The following COL6A3 variants were observed in gnomAD, a reference collection of about 807,000 sequenced individuals.
The protein encoded by COL6A3 is collagen alpha-3(VI) chain.
A neutral mutation model predicts 274.1 loss-of-function variants in COL6A3; 137 were observed. That is an observed-to-expected ratio of 0.50 (90% CI 0.44 to 0.58). The LOEUF is 0.58. Among genes scored for constraint, COL6A3 ranks in the 20% least tolerant of loss-of-function variants. COL6A3 has a pLI of 0.00. For synonymous variants in COL6A3, 1,650 were observed against 1,650.6 expected (o/e 1.00, Z 0.01); for missense variants, 3,950 against 4,124.9 (o/e 0.96, Z 1.16).
intron 38 of COL6A3, among the ~76,000 whole-genome samples, chr2:237,339,384 A>G (rs992307978): frequency 3.9e-5 from 6 of 152,186 alleles, no homozygotes; most frequent in African/African-American, 1.4e-4. Context: ...CATGAGAGAG[A>G]AGACAGGGAT....
Position 237,374,881 on chromosome 2 carries a change from C to T in COL6A3, c.3210G>A (p.Val1070=), listed in dbSNP as rs781769635. Residue 1070 remains valine, a synonymous_variant, in exon 8 of 44, where the codon GTG becomes GTA. Coordinates refer to ENST00000295550, the MANE Select transcript of COL6A3 (RefSeq NM_004369.4). The surrounding 1 kb of genome is among the most constrained non-coding windows in gnomAD (Gnocchi z 4.8). ...CGGGCCTGGTCCGGTCGCTGTACTGCACCACGGCCACGCGGACCCGGTCCT... is the reference window on the plus strand; with the variant it reads ...CGGGCCTGGTCCGGTCGCTGTACTGTACCACGGCCACGCGGACCCGGTCCT... ...VGQDRVRVAV[V]QYSDRTRPEF... is the part of the protein sequence containing the mutation. The T allele has an allele frequency of 6.2e-7, 1 of 1,613,934 alleles. No individual in the cohort carries two copies. The highest frequency in any genetic ancestry group is 1.1e-5 in the South Asian group (1 of 91,072).
chr2:237,365,757 C>T lies in COL6A3; in HGVS notation c.5779G>A (p.Glu1927Lys), dbSNP rs769791007. 6.2e-6 allele frequency: 10 copies of T among 1,614,106 alleles called. No homozygotes were observed. The highest frequency in any genetic ancestry group is 5.9e-6 in the Non-Finnish European group (7 of 1,180,056). Residue 1927 changes from glutamate (E) to lysine (K), a missense_variant, in exon 12 of 44, where the codon GAG (glutamate) becomes AAG (lysine). This residue lies in a region of COL6A3 where 632 missense variants were observed against 623.4 expected (regional missense o/e 1.01). Transcript: ENST00000295550. Reference protein sequence around the residue: ...MRSQHPYVLTEDTLKVYLNKF... With the variant: ...MRSQHPYVLTKDTLKVYLNKF... The stretch of plus-strand genomic sequence containing the variant: ...TTCAGGTAGACCTTCAGGGTGTCCT[C>T]CGTGAGGACGTAGGGGTGCTGGCTG...
intron 42 of COL6A3, 163 bp downstream of exon 42, chr2:237,333,287 A>T: frequency 1.4e-6 from 1 of 700,066 alleles, no homozygotes; most frequent in Admixed American, 2.1e-5. Context: ...TACACCTGGG[A>T]TTATGCAGAA....
chr2:237,377,433 A>G, intron 6 of COL6A3, 89 bp from the exon 7 acceptor site: 1 of 1,323,290 alleles, frequency 7.6e-7, no homozygotes, highest in South Asian at 1.2e-5. Context: ...TGACAACAGG[A>G]GTTGGTGAAA....
At chr2:237,375,418 C>A (rs149719974) in intron 7 of COL6A3, among the ~76,000 whole-genome samples, 5 of 152,226 alleles carry the variant, frequency 3.3e-5, no homozygotes, top group Non-Finnish European at 5.9e-5. Flanking sequence ...TCCCTTAGAA[C>A]CTGCAGAAAG....
intron 1 of COL6A3, among the ~76,000 whole-genome samples, chr2:237,402,839 C>T (rs2078625518): frequency 6.6e-6 from 1 of 152,176 alleles, no homozygotes; most frequent in Non-Finnish European, 1.5e-5. Context: ...TAATCTTCCT[C>T]TCTCCACAGG....
intron 1 of COL6A3, among the ~76,000 whole-genome samples, chr2:237,404,566 A>C (rs1049061927): frequency 3.9e-5 from 6 of 152,174 alleles, no homozygotes; most frequent in Admixed American, 1.3e-4. Flanking sequence ...ATAAGATGAG[A>C]GCTGTCTCCT....
At position 237,395,049 on chromosome 2, in the gene COL6A3, A is replaced by G; in HGVS notation, c.247T>C (p.Phe83Leu). ...AACTCGGTATGTGGGTTTCCGTTGA[A>G]CTGGACCAGAGCAAAATGGAAATCA... Reference protein sequence around the residue: ...ENDFHFALVQFNGNPHTEFLL... With the variant: ...ENDFHFALVQLNGNPHTEFLL... The change falls in exon 3 of 44, where the codon TTC becomes CTC. Residue 83 changes from phenylalanine (F) to leucine (L), a missense_variant. Phe to Leu is a conservative substitution (Grantham distance 22). Coordinates refer to ENST00000295550, the MANE Select transcript of COL6A3 (RefSeq NM_004369.4). The G allele has an allele frequency of 6.2e-7, 1 of 1,614,144 alleles. No individual in the cohort carries two copies. The highest frequency in any genetic ancestry group is 8.5e-7 in the Non-Finnish European group (1 of 1,180,026).
Position 237,336,297 on chromosome 2 carries a change from C to T in COL6A3, c.8803G>A (p.Ala2935Thr). The T allele has an allele frequency of 6.2e-7, 1 of 1,613,182 alleles. No individual in the cohort carries two copies. The highest frequency in any genetic ancestry group is 8.5e-7 in the Non-Finnish European group (1 of 1,179,266). ...TTCGCTGCCGTTGCTGGCTTCACCG[C>T]CACTGGGGGTCTAACAGTGGCCATC... ...TKMATVRPPV[A>T]VKPATAAKPV... The change falls in exon 40 of 44, where the codon GCG becomes ACG. Residue 2935 changes from alanine (A) to threonine (T), a missense_variant. Physicochemically the swap from Ala to Thr is moderately conservative, Grantham distance 58 (BLOSUM62 0). Around this residue, in one of 5 missense-constraint regions of COL6A3, gnomAD observed 1,284 missense variants for 1,349.7 expected, o/e 0.95. Transcript: ENST00000295550.
At chr2:237,341,543 T>TAAAAAAA (rs71039760) in intron 37 of COL6A3, among the ~76,000 whole-genome samples, 64 of 49,120 alleles carry the variant, frequency 1.3e-3, no homozygotes, top group African/African-American at 5.5e-3. Flanking sequence ...AGACTCTGTC[T>TAAAAAAA]AAAAAAAAAA....
In COL6A3 at chr2:237,365,780, C is replaced by G; in HGVS notation, c.5756G>C (p.Ser1919Thr). ...EMLEKFRNMRSQHPYVLTEDT... is the reference protein window; with the variant it reads ...EMLEKFRNMRTQHPYVLTEDT... The stretch of plus-strand genomic sequence containing the variant: ...CTCCGTGAGGACGTAGGGGTGCTGG[C>G]TGCGCATGTTCCGGAACTTCTCGAG... The change falls in exon 12 of 44, where the codon AGC becomes ACC. Residue 1919 changes from serine to threonine, a missense_variant. Transcript: ENST00000295550. The G allele has an allele frequency of 6.2e-7, 1 of 1,614,210 alleles. No homozygotes were observed. Among genetic ancestry groups the G allele is most frequent in the Non-Finnish European group, 8.5e-7 (1 of 1,180,042 alleles).
chr2:237,351,046 G>A (rs1242617115), intron 27 of COL6A3, 84 bp downstream of exon 27: 1 of 1,342,156 alleles, frequency 7.5e-7, no homozygotes, highest in Non-Finnish European at 1.1e-6. Flanking sequence ...AGGAGGGACA[G>A]ACAGACTGAC....
intron 24 of COL6A3, 126 bp from the exon 25 acceptor site, chr2:237,353,529 G>C: frequency 1.3e-6 from 1 of 785,954 alleles, no homozygotes; most frequent in South Asian, 1.4e-5. Context: ...CTCTTCCAGA[G>C]GTAACAGATG....
chr2:237,340,424 G>C (rs752742099), intron 38 of COL6A3, 28 bp downstream of exon 38: 53 of 1,602,808 alleles, frequency 3.3e-5, no homozygotes, highest in Non-Finnish European at 4.4e-5. Flanking sequence ...GCCAGGCCAG[G>C]GCACATGCTG....
chr2:237,405,260 C>T (rs947914078), intron 1 of COL6A3, among the ~76,000 whole-genome samples: 1 of 152,120 alleles, frequency 6.6e-6, no homozygotes. Context: ...TCTTGTGGCT[C>T]GTGGGCTCCT....
Position 237,368,471 on chromosome 2 carries a change from G to T in COL6A3, c.4900+92C>A, listed in dbSNP as rs2077604638. On this transcript the variant is annotated intron_variant, in intron 10 of 43. Transcript: ENST00000295550. This position sits in a 1 kb window ranked among gnomAD's most constrained non-coding sequence, Gnocchi z 4.4. The stretch of plus-strand genomic sequence containing the variant: ...ATCTGAAGAAACAACCCAGAGAGAA[G>T]AAAATTATTAAAAATGACTACTGAT... 1.4e-6 allele frequency: 2 copies of T among 1,472,960 alleles called. No individual in the cohort carries two copies. Among genetic ancestry groups the T allele is most frequent in the African/African-American group, 2.9e-5 (2 of 70,168 alleles). 91.2% of individuals were successfully genotyped at this position (1,472,960 alleles called of 1,614,324 possible).
intron 30 of COL6A3, 105 bp from the exon 31 acceptor site, chr2:237,347,974 C>T (rs1175240446): frequency 1.5e-5 from 16 of 1,062,560 alleles, no homozygotes; most frequent in African/African-American, 3.2e-5. Context: ...ACACTTTTCC[C>T]GGGCAGCCAA....
At chr2:237,338,284 A>G (rs1700652640) in intron 39 of COL6A3, among the ~76,000 whole-genome samples, 1 of 152,288 alleles carries the variant, frequency 6.6e-6, no homozygotes. Flanking sequence ...AACCCAAGCT[A>G]GCCTGCTGAG....
At chr2:237,403,342 T>C (rs1012652540) in intron 1 of COL6A3, among the ~76,000 whole-genome samples, 2 of 152,162 alleles carry the variant, frequency 1.3e-5, no homozygotes, top group African/African-American at 4.8e-5. Context: ...CCAGGACCCA[T>C]GTGGCTTTGG....
Sources: gnomAD v4.1 joint callset for allele counts (sites outside exome capture counted in the v4.1 genomes callset) on GRCh38, gnomAD v4.1.1 for gene constraint, gnomAD v4.1.1 regional missense constraint, Gnocchi (gnomAD v3.1) non-coding constraint, MANE v1.5 for transcripts, NCBI Gene and HGNC (gene_info 2026-07-23, HGNC 2026-07-21) for gene names.